RPS6KA2: variants seen among roughly 807,000 people sequenced by gnomAD.
RPS6KA2 encodes the protein ribosomal protein S6 kinase alpha-2.
In RPS6KA2, 42 loss-of-function variants were observed where a neutral mutation model predicts 91.8. The ratio of observed to expected loss-of-function variants is 0.46; its 90% CI spans 0.36 to 0.59. RPS6KA2 has a LOEUF of 0.59. RPS6KA2 is among the 20% of genes least tolerant of loss of function. The probability of loss-of-function intolerance (pLI) is 0.00; values close to 1 mark genes in which losing one functional copy is unlikely to be tolerated. For synonymous variants in RPS6KA2, 414 were observed against 393.6 expected (o/e 1.05, Z -0.61); for missense variants, 798 against 978.5 (o/e 0.82, Z 2.46).
At chr6:166,693,924 A>T (rs1228435735) in intron 2 of RPS6KA2, among the ~76,000 whole-genome samples, 2 of 152,198 alleles carry the variant, frequency 1.3e-5, no homozygotes, top group Non-Finnish European at 2.9e-5. Context: ...TTCCTTAGAC[A>T]TCCCTCTGTC....
rs1788277530 is a variant in RPS6KA2 at position 166,665,106 on chromosome 6, G to A, written c.124-126322C>T. Among the ~76,000 whole-genome samples the A allele has an allele frequency of 1.3e-5, 2 of 152,154 alleles. No homozygotes were observed. Among genetic ancestry groups the A allele is most frequent in the South Asian group, 4.1e-4 (2 of 4,826 alleles). On this transcript the variant is annotated intron_variant, in intron 2 of 21. Transcript: ENST00000503859. The surrounding 1 kb of genome is among the most constrained non-coding windows in gnomAD (Gnocchi z 4.5). ...CAAAAAATAAAATTAGCCAGGCATG[G>A]TGGCGTGTAGCCTTCAGTCTCATAG...
rs1021244893 is a variant in RPS6KA2 at position 166,557,952 on chromosome 6, A to T, written c.100-19168T>A. Among the ~76,000 whole-genome samples the T allele has an allele frequency of 3.3e-5, 5 of 151,898 alleles. No individual in the cohort carries two copies. The highest frequency in any genetic ancestry group is 1.3e-4 in the Admixed American group (2 of 15,200). The stretch of plus-strand genomic sequence containing the variant: ...TGTGTGTGGGTGTGGGTGTGTATAG[A>T]GATGTATATGTATATACAGAGGGGT... On this transcript the variant is annotated intron_variant, in intron 1 of 20. Coordinates refer to ENST00000265678, the MANE Select transcript of RPS6KA2 (RefSeq NM_021135.6). The surrounding 1 kb of genome is among the most constrained non-coding windows in gnomAD (Gnocchi z 4.8).
intron 2 of RPS6KA2, among the ~76,000 whole-genome samples, chr6:166,815,893 A>T (rs138795953): frequency 1.6e-4 from 25 of 152,292 alleles, no homozygotes; most frequent in African/African-American, 5.5e-4. Context: ...TACAAAAATA[A>T]AAGGAGTGAA....
chr6:166,776,239 CAACA>C (rs1778615547), intron 2 of RPS6KA2, among the ~76,000 whole-genome samples: 1 of 152,044 alleles, frequency 6.6e-6, no homozygotes, highest in South Asian at 2.1e-4. Context: ...GGATAAAACA[CAACA>C]AAAAAGGAGG....
intron 1 of RPS6KA2, among the ~76,000 whole-genome samples, chr6:166,552,204 A>AC (rs1205150866): frequency 2.6e-5 from 4 of 151,678 alleles, no homozygotes; most frequent in Non-Finnish European, 5.9e-5. Flanking sequence ...CAGGTCTTTG[A>AC]CCCCCCACAG....
intron 1 of RPS6KA2, among the ~76,000 whole-genome samples, chr6:166,617,573 C>T (rs897398007): frequency 6.6e-5 from 10 of 152,120 alleles, no homozygotes; most frequent in East Asian, 1.9e-4. Context: ...TTGACTTACG[C>T]GACGGTTTTA....
rs539554701 is a variant in RPS6KA2, at chr6:166,706,725, G to A, written c.123+151475C>T. ...AGTACCCAGGGGGAAGTAAAGCCCC[G>A]TGCCAACTGTCTGTGCAAAATGAAA... On this transcript the variant is annotated intron_variant, in intron 2 of 21. Coordinates refer to the RPS6KA2 transcript ENST00000503859. 1.1e-4 allele frequency among the ~76,000 whole-genome samples: 17 copies of A among 152,316 alleles called. No individual in the cohort carries two copies. The South Asian group carries it at 1.2e-3, about 11-fold the overall frequency.
At chr6:166,446,551 A>G (rs1779684969) in intron 14 of RPS6KA2, among the ~76,000 whole-genome samples, 1 of 152,214 alleles carries the variant, frequency 6.6e-6, no homozygotes, top group Non-Finnish European at 1.5e-5. Flanking sequence ...CTGTTGCTGA[A>G]ATTCCACAGA....
intron 2 of RPS6KA2, among the ~76,000 whole-genome samples, chr6:166,723,315 C>T (rs1373128316): frequency 1.3e-5 from 2 of 152,214 alleles, no homozygotes; most frequent in Non-Finnish European, 2.9e-5. Flanking sequence ...GTGGCCTAGG[C>T]CCCCCAGATG....
At chr6:166,488,237 G>A (rs1026437719) in intron 10 of RPS6KA2, among the ~76,000 whole-genome samples, 10 of 150,080 alleles carry the variant, frequency 6.7e-5, no homozygotes, top group African/African-American at 2.5e-4. Flanking sequence ...TGTCTGAACC[G>A]AAAACACCCT....
intron 2 of RPS6KA2, among the ~76,000 whole-genome samples, chr6:166,646,237 A>G (rs1787597812): frequency 6.6e-6 from 1 of 152,230 alleles, no homozygotes; most frequent in South Asian, 2.1e-4. Flanking sequence ...GATCGGTTCC[A>G]CATGGACCAG....
intron 1 of RPS6KA2, among the ~76,000 whole-genome samples, chr6:166,562,545 T>C (rs778370846): frequency 6.6e-6 from 1 of 152,116 alleles, no homozygotes; most frequent in African/African-American, 2.4e-5. Context: ...ACTAAATAGG[T>C]AGACTGCCAA....
upstream of RPS6KA2, among the ~76,000 whole-genome samples, chr6:166,631,500 G>C (rs1787074684): frequency 6.6e-6 from 1 of 152,268 alleles, no homozygotes; most frequent in Non-Finnish European, 1.5e-5. Flanking sequence ...CCAGCCCGCT[G>C]TGAGGACAGC....
chr6:166,498,758 T>G, intron 7 of RPS6KA2, 108 bp from the exon 8 acceptor site: 1 of 1,410,360 alleles, frequency 7.1e-7, no homozygotes, highest in Non-Finnish European at 9.8e-7. Flanking sequence ...CCTCTCCAGG[T>G]GGGCGCAGCA....
chr6:166,470,467 T>C (rs780607447), intron 10 of RPS6KA2, among the ~76,000 whole-genome samples: 12 of 152,276 alleles, frequency 7.9e-5, no homozygotes, highest in Non-Finnish European at 1.8e-4. Flanking sequence ...ACCTGGAGGC[T>C]GCTTACAAAT....
At chr6:166,623,540 G>A (rs1425978797) in intron 1 of RPS6KA2, among the ~76,000 whole-genome samples, 1 of 152,180 alleles carries the variant, frequency 6.6e-6, no homozygotes, top group Non-Finnish European at 1.5e-5. Context: ...ACACTCAGAG[G>A]GTATCCTATC....
chr6:166,440,178 C>T (rs983625414), intron 14 of RPS6KA2: 3 of 152,164 alleles, frequency 2.0e-5, no homozygotes, highest in African/African-American at 7.2e-5. Flanking sequence ...GGAAACTAGC[C>T]TGTGTTGAAA....
At chr6:166,689,770 G>A (rs866168808) in intron 2 of RPS6KA2, among the ~76,000 whole-genome samples, 2 of 152,372 alleles carry the variant, frequency 1.3e-5, no homozygotes, top group South Asian at 2.1e-4. Context: ...AACTGTAGCT[G>A]AGTGAAGACA....
At chr6:166,752,332 AC>A (rs1415861926) in intron 2 of RPS6KA2, among the ~76,000 whole-genome samples, 2 of 152,220 alleles carry the variant, frequency 1.3e-5, no homozygotes. Flanking sequence ...AGACCAGAGT[AC>A]ACATCCTTTA....
Sources: allele counts gnomAD v4.1 joint callset (sites outside exome capture counted in the v4.1 genomes callset), GRCh38; gene constraint gnomAD v4.1.1; non-coding constraint Gnocchi (gnomAD v3.1); transcripts MANE v1.5; gene names NCBI Gene and HGNC (gene_info 2026-07-23, HGNC 2026-07-21).